The following MYRIP variants were observed in gnomAD, a reference collection of about 807,000 sequenced individuals.
MYRIP encodes the protein rab effector MyRIP.
In MYRIP, 49 loss-of-function variants were observed where a neutral mutation model predicts 98.0. That is an observed-to-expected ratio of 0.50 (90% confidence interval 0.40 to 0.63). The LOEUF is 0.63. MYRIP is among the 30% of genes least tolerant of loss of function. The pLI, the probability that MYRIP is intolerant of heterozygous loss-of-function variation, is 0.00. For synonymous variants in MYRIP, 404 were observed against 409.5 expected (o/e 0.99, Z 0.16); for missense variants, 1,004 against 1,058.2 (o/e 0.95, Z 0.71).
At chr3:39,978,107 G>T (rs965724288) in intron 2 of MYRIP, among the ~76,000 whole-genome samples, 11 of 152,140 alleles carry the variant, frequency 7.2e-5, no homozygotes, top group African/African-American at 2.7e-4. Context: ...TTCTAATGTG[G>T]TTCTAGACCC....
At chr3:39,908,516 G>A (rs541984771) in intron 2 of MYRIP, among the ~76,000 whole-genome samples, 17 of 152,164 alleles carry the variant, frequency 1.1e-4, no homozygotes, top group Non-Finnish European at 2.2e-4. Flanking sequence ...AGGAAGCAAA[G>A]CCTTTCTCAA....
At chr3:40,055,202 A>C (rs181238118) in intron 3 of MYRIP, among the ~76,000 whole-genome samples, 17 of 152,280 alleles carry the variant, frequency 1.1e-4, no homozygotes, top group Admixed American at 6.5e-4. Context: ...TCAAGTACAT[A>C]CCCACCAATC....
chr3:39,917,878 A>G (rs4676542), intron 2 of MYRIP, among the ~76,000 whole-genome samples: 66,916 of 151,776 alleles, frequency 0.44, 15,000 homozygotes, highest in East Asian at 0.54. Context: ...AACTTTATCT[A>G]TATAAATAAC....
intron 2 of MYRIP, among the ~76,000 whole-genome samples, chr3:39,918,060 G>A (rs1046219112): frequency 6.6e-6 from 1 of 151,982 alleles, no homozygotes; most frequent in African/African-American, 2.4e-5. Flanking sequence ...CGGAGTAGCT[G>A]GGACTACAGG....
At chr3:40,179,556 A>G (rs1218930419) in intron 8 of MYRIP, among the ~76,000 whole-genome samples, 1 of 152,218 alleles carries the variant, frequency 6.6e-6, no homozygotes, top group African/African-American at 2.4e-5. Context: ...TCAGTGATTT[A>G]CAGTGAGAAG....
rs73067616 is a variant in MYRIP at position 40,146,386 on chromosome 3, A to G, written c.333-4662A>G. Among the ~76,000 whole-genome samples, 397 of 152,348 alleles carry G rather than the reference A, an allele frequency of 2.6e-3. 1 individual carries two copies. Among genetic ancestry groups the G allele is most frequent in the South Asian group, 5.4e-3 (26 of 4,828 alleles). On this transcript the variant is annotated intron_variant, in intron 3 of 16. Coordinates refer to ENST00000302541, the MANE Select transcript of MYRIP (RefSeq NM_015460.4). ...AGTGTGAGCGTGTTTGTTAAAAGAC[A>G]GTGTGAACATTGTATGTACTGAAAG...
At chr3:40,223,797 T>C (rs1258786909) in intron 11 of MYRIP, among the ~76,000 whole-genome samples, 1 of 152,168 alleles carries the variant, frequency 6.6e-6, no homozygotes, top group Non-Finnish European at 1.5e-5. Context: ...CTCCCTGAGC[T>C]CGTGGAACTT....
intron 1 of MYRIP, among the ~76,000 whole-genome samples, chr3:39,816,514 G>C (rs760488296): frequency 2.6e-5 from 4 of 152,136 alleles, no homozygotes; most frequent in African/African-American, 7.2e-5. Flanking sequence ...GTTTACAAAG[G>C]CTAATAAATA....
At chr3:40,257,773 G>A (rs1345475744) in intron 16 of MYRIP, among the ~76,000 whole-genome samples, 2 of 152,084 alleles carry the variant, frequency 1.3e-5, no homozygotes, top group Admixed American at 1.3e-4. Flanking sequence ...AAATAGCCCA[G>A]AAATAGATAC....
rs199962151 is a variant in MYRIP, at chr3:39,944,879, TTCTG to T, written c.110+43957_110+43960del. On this transcript the variant is annotated intron_variant, in intron 2 of 16. Transcript: ENST00000302541. The stretch of plus-strand genomic sequence containing the variant: ...CAAGAGAAATATTCATTTTTACATT[TTCTG>T]TCTATCACTATATGACTCTGAAACT... 3.9e-3 allele frequency among the ~76,000 whole-genome samples: 588 copies of T among 152,298 alleles called. 2 individuals are homozygous for T. The highest frequency in any genetic ancestry group is 0.014 in the African/African-American group (566 of 41,576).
intron 2 of MYRIP, among the ~76,000 whole-genome samples, chr3:39,950,663 C>T (rs1490801878): frequency 6.6e-6 from 1 of 152,138 alleles, no homozygotes; most frequent in African/African-American, 2.4e-5. Flanking sequence ...AGCGTGATGG[C>T]CTCCGGATTC....
intron 2 of MYRIP, among the ~76,000 whole-genome samples, chr3:39,944,538 C>T (rs1039689573): frequency 1.3e-5 from 2 of 151,592 alleles, no homozygotes; most frequent in Non-Finnish European, 2.9e-5. Flanking sequence ...CACAAAATAC[C>T]TCTAGAAGCA....
At chr3:39,853,504 A>G (rs1293444072) in intron 1 of MYRIP, among the ~76,000 whole-genome samples, 1 of 152,072 alleles carries the variant, frequency 6.6e-6, no homozygotes, top group African/African-American at 2.4e-5. Context: ...TTCCCTGATC[A>G]TTAGTGATGT....
intron 10 of MYRIP, among the ~76,000 whole-genome samples, chr3:40,208,433 ATCTG>A (rs759844375): frequency 1.3e-5 from 2 of 152,180 alleles, no homozygotes; most frequent in Admixed American, 6.5e-5. Flanking sequence ...TTCAACACAC[ATCTG>A]TCTAACTGAA....
At position 40,173,279 on chromosome 3, in the gene MYRIP, A is replaced by T. The variant is rs987226897; in HGVS notation, c.873+3186A>T. The T allele has an allele frequency of 2.8e-4, 42 of 152,186 alleles. 1 individual carries two copies. The highest frequency in any genetic ancestry group is 9.9e-4 in the African/African-American group (41 of 41,438). 9.4% of individuals were successfully genotyped at this position (152,186 alleles called of 1,614,324 possible). On this transcript the variant is annotated intron_variant, in intron 8 of 16. Transcript: ENST00000302541. ...TAGCTACCCCAAGCCACTGGAACTA[A>T]GTGGTTGCAGGTTTCCTGGTTCTGA...
At chr3:39,948,170 G>A (rs1944940248) in intron 2 of MYRIP, among the ~76,000 whole-genome samples, 1 of 152,108 alleles carries the variant, frequency 6.6e-6, no homozygotes, top group Non-Finnish European at 1.5e-5. Context: ...CCACCAGTCA[G>A]AACAACCTAA....
Position 40,169,954 on chromosome 3 carries a change from T to C in MYRIP, c.734T>C (p.Ile245Thr). ...TTTTTGTCCTCCCCTCCCCAGATTA[T>C]ACGAAAACAGAAGAGCAAAAGTGAG... ...ELATTILQKI[I>T]RKQKSKSEQQ... The change falls in exon 8 of 17, where the codon ATA becomes ACA. Residue 245 changes from isoleucine (I) to threonine (T), a missense_variant. Transcript: ENST00000302541. 1 of 1,614,148 alleles carries C rather than the reference T, an allele frequency of 6.2e-7. No homozygotes were observed. Among genetic ancestry groups the C allele is most frequent in the Non-Finnish European group, 8.5e-7 (1 of 1,180,012 alleles).
intron 2 of MYRIP, among the ~76,000 whole-genome samples, chr3:39,981,355 T>C (rs1210796300): frequency 6.6e-6 from 1 of 152,224 alleles, no homozygotes; most frequent in African/African-American, 2.4e-5. Flanking sequence ...TAGGTCTGTC[T>C]CTTAGATCTC....
chr3:40,186,651 A>G (rs1344784096), intron 9 of MYRIP, among the ~76,000 whole-genome samples: 2 of 152,212 alleles, frequency 1.3e-5, no homozygotes, highest in Non-Finnish European at 2.9e-5. Context: ...CACAGGCTCT[A>G]GTAGCCAGAG....
Sources: allele counts gnomAD v4.1 joint callset (sites outside exome capture counted in the v4.1 genomes callset), GRCh38; gene constraint gnomAD v4.1.1; transcripts MANE v1.5; gene names NCBI Gene and HGNC (gene_info 2026-07-23, HGNC 2026-07-21).